The following BRIP1 variants were observed in gnomAD, a reference collection of about 807,000 sequenced individuals.
The protein encoded by BRIP1 is BRCA1 interacting DNA helicase 1.
A neutral mutation model predicts 119.7 loss-of-function variants in BRIP1; 88 were observed. The observed-to-expected ratio is 0.74, with a 90% CI of 0.62 to 0.88. The LOEUF (loss-of-function observed/expected upper bound fraction) is 0.88, where lower values mean the gene tolerates loss of function less well. Among genes scored for constraint, BRIP1 ranks in the 40% least tolerant of loss-of-function variants. The pLI, the probability that BRIP1 is intolerant of heterozygous loss-of-function variation, is 0.00. For missense variants in BRIP1, 1,259 were observed against 1,455.4 expected (o/e 0.87, Z 2.20); for synonymous variants, 443 against 496.5 (o/e 0.89, Z 1.43).
At chr17:61,797,683 T>C (rs2077922689) in intron 9 of BRIP1, among the ~76,000 whole-genome samples, 1 of 152,044 alleles carries the variant, frequency 6.6e-6, no homozygotes, top group African/African-American at 2.4e-5. Flanking sequence ...CAACTCTTAT[T>C]GCAGGCAAAG....
chr17:61,775,416 T>C lies in BRIP1; in HGVS notation c.2097+985A>G, dbSNP rs560170800. On this transcript the variant is annotated intron_variant, in intron 14 of 19. Transcript: ENST00000259008. The surrounding 1 kb of genome is among the most constrained non-coding windows in gnomAD (Gnocchi z 4.4). ...AGTAGAAGAGTCAAAAGTATCAATA[T>C]TGTCATTCAAATATATTACTTCCAA... is the stretch of plus-strand genomic sequence containing the variant. Among the ~76,000 whole-genome samples, 14 of 152,126 alleles carry C rather than the reference T, an allele frequency of 9.2e-5. No individual in the cohort carries two copies. The highest frequency in any genetic ancestry group is 7.2e-4 in the Admixed American group (11 of 15,264).
rs2061611279 is a variant in BRIP1 at position 61,701,392 on chromosome 17, TA to T, written c.2493-7881del. ...CTCGATTAACTTAGTAGTCAGCTAA[TA>T]ATTAGACAGAGATTTCCTTAAATGT... On this transcript the variant is annotated intron_variant, in intron 17 of 19. Transcript: ENST00000259008. The surrounding 1 kb of genome is among the most constrained non-coding windows in gnomAD (Gnocchi z 5.1). 6.6e-6 allele frequency among the ~76,000 whole-genome samples: 1 copy of T among 152,230 alleles called. No homozygotes were observed. The highest frequency in any genetic ancestry group is 1.5e-5 in the Non-Finnish European group (1 of 68,036).
rs536017154 is a variant in BRIP1, at chr17:61,794,512, A to G, written c.1341-783T>C. 6.6e-6 allele frequency among the ~76,000 whole-genome samples: 1 copy of G among 152,166 alleles called. No homozygotes were observed. Among genetic ancestry groups the G allele is most frequent in the African/African-American group, 2.4e-5 (1 of 41,532 alleles). On this transcript the variant is annotated intron_variant, in intron 9 of 19. Transcript: ENST00000259008. This position sits in a 1 kb window ranked among gnomAD's most constrained non-coding sequence, Gnocchi z 4.3. ...GAGACCACATGGACAAGAGGGGAAC[A>G]GCACATACTGGGGCCTATCGGATGG... is the stretch of plus-strand genomic sequence containing the variant.
At chr17:61,728,329 A>C (rs1367353534) in intron 16 of BRIP1, among the ~76,000 whole-genome samples, 24 of 148,158 alleles carry the variant, frequency 1.6e-4, no homozygotes, top group Admixed American at 1.1e-3. Flanking sequence ...AAAAAAAAAA[A>C]CCCCAGACAT....
At position 61,846,385 on chromosome 17, in the gene BRIP1, T is replaced by C. The variant is rs922080659; in HGVS notation, c.627+716A>G. Among the ~76,000 whole-genome samples, 3 of 151,678 alleles carry C rather than the reference T, an allele frequency of 2.0e-5. No homozygotes were observed. Among genetic ancestry groups the C allele is most frequent in the Non-Finnish European group, 4.4e-5 (3 of 67,914 alleles). ...AGACAATCCAAAAGGCAATAATGTA[T>C]TTTTTCCTTTTTTTTTTTGAGACGG... On this transcript the variant is annotated intron_variant, in intron 6 of 19. Coordinates refer to ENST00000259008, the MANE Select transcript of BRIP1 (RefSeq NM_032043.3). This position sits in a 1 kb window ranked among gnomAD's most constrained non-coding sequence, Gnocchi z 4.3.
rs367962443 is a variant in BRIP1, at chr17:61,682,318, T to C, written c.*978A>G. The C allele has an allele frequency of 1.4e-4, 28 of 201,540 alleles. No individual in the cohort carries two copies. The East Asian group carries it at 1.8e-3, about 13-fold the overall frequency. 12.5% of individuals were successfully genotyped at this position (201,540 alleles called of 1,614,324 possible). A position where few individuals can be genotyped will look rare whatever the true frequency, so the allele number is the denominator to read the frequency against. On this transcript the variant is annotated 3_prime_UTR_variant, in exon 20 of 20. Transcript: ENST00000259008. The surrounding 1 kb of genome is among the most constrained non-coding windows in gnomAD (Gnocchi z 4.9). ...CTAGTGTTTGGTACTTATTACTCAC[T>C]GATCCACTAGGAAAAATATATAATA...
rs749554361 is a variant in BRIP1, at chr17:61,844,728, C to T, written c.627+2373G>A. Among the ~76,000 whole-genome samples, 3 of 152,158 alleles carry T rather than the reference C, an allele frequency of 2.0e-5. No individual in the cohort carries two copies. The highest frequency in any genetic ancestry group is 2.0e-4 in the Admixed American group (3 of 15,282). On this transcript the variant is annotated intron_variant, in intron 6 of 19. Coordinates refer to ENST00000259008, the MANE Select transcript of BRIP1 (RefSeq NM_032043.3). This position sits in a 1 kb window ranked among gnomAD's most constrained non-coding sequence, Gnocchi z 4.7. Reference sequence around the variant, plus strand: ...TGTTAGAACCCTATTTAGGTGGCTCCAGGACTGCAAAGAGGCATTTTAGAG... The same window carrying T: ...TGTTAGAACCCTATTTAGGTGGCTCTAGGACTGCAAAGAGGCATTTTAGAG...
At position 61,684,443 on chromosome 17, in the gene BRIP1, G is replaced by A. The variant is rs2061331322; in HGVS notation, c.2906-303C>T. ...AAAAGGGAAGAGGAAGGGAGCTGAG[G>A]AAAGGAGGGAACAGGCTGTAAACAT... On this transcript the variant is annotated intron_variant, in intron 19 of 19. Coordinates refer to ENST00000259008, the MANE Select transcript of BRIP1 (RefSeq NM_032043.3). The surrounding 1 kb of genome is among the most constrained non-coding windows in gnomAD (Gnocchi z 4.5). Among the ~76,000 whole-genome samples the A allele has an allele frequency of 6.6e-6, 1 of 152,114 alleles. No individual in the cohort carries two copies. The highest frequency in any genetic ancestry group is 2.1e-4 in the South Asian group (1 of 4,812).
chr17:61,760,079 A>G lies in BRIP1; in HGVS notation c.2098-15488T>C, dbSNP rs994351874. ...TTTTAACAAATTTAAGTTTGTTATCATATCAAGTATCTTTGCTGGCCACAA... is the reference window on the plus strand; with the variant it reads ...TTTTAACAAATTTAAGTTTGTTATCGTATCAAGTATCTTTGCTGGCCACAA... On this transcript the variant is annotated intron_variant, in intron 14 of 19. Transcript: ENST00000259008. This position sits in a 1 kb window ranked among gnomAD's most constrained non-coding sequence, Gnocchi z 4.6. Among the ~76,000 whole-genome samples, 1 of 152,038 alleles carries G rather than the reference A, an allele frequency of 6.6e-6. No homozygotes were observed. Among genetic ancestry groups the G allele is most frequent in the Non-Finnish European group, 1.5e-5 (1 of 67,944 alleles).
intron 16 of BRIP1, among the ~76,000 whole-genome samples, chr17:61,733,788 G>A (rs2076882016): frequency 6.6e-6 from 1 of 151,638 alleles, no homozygotes; most frequent in Admixed American, 6.6e-5. Context: ...ATCTAGTTTG[G>A]TAACTCAACA....
At position 61,849,227 on chromosome 17, in the gene BRIP1, T is replaced by C. The variant is rs878855157; in HGVS notation, c.409A>G (p.Lys137Glu). 1.9e-6 allele frequency: 3 copies of C among 1,613,210 alleles called. No homozygotes were observed. The highest frequency in any genetic ancestry group is 1.1e-5 in the South Asian group (1 of 91,044). ...DSPEKTTLAA[K>E]LSAKKQASIY... ...GATGCCTGTTTCTTAGCAGATAACT[T>C]TGCAGCCAGAGTGGTTTTTTCAGGG... is the stretch of plus-strand genomic sequence containing the variant. The change falls in exon 5 of 20, where the codon AAG (lysine) becomes GAG (glutamate). Residue 137 changes from lysine (K) to glutamate (E), a missense_variant. Physicochemically the swap from Lys to Glu is moderately conservative, Grantham distance 56. Transcript: ENST00000259008.
In BRIP1 at chr17:61,857,163, A is replaced by G. The variant is rs755930156; in HGVS notation, c.274T>C (p.Ser92Pro). Residue 92 changes from serine to proline, a missense_variant, in exon 4 of 20, where the codon TCA becomes CCA. By Grantham distance (74) the Ser-to-Pro change is moderately conservative. Transcript: ENST00000259008. This position sits in a 1 kb window ranked among gnomAD's most constrained non-coding sequence, Gnocchi z 5.1. ...ATGTCATTGTTTGTAAAATCCTTTGAATGGCATGCACAACAACATGACAAT... is the reference window on the plus strand; with the variant it reads ...ATGTCATTGTTTGTAAAATCCTTTGGATGGCATGCACAACAACATGACAAT... ...VQLSCCCACH[S>P]KDFTNNDMNQ... 6.2e-7 allele frequency: 1 copy of G among 1,614,140 alleles called. No homozygotes were observed. The highest frequency in any genetic ancestry group is 8.5e-7 in the Non-Finnish European group (1 of 1,179,964).
chr17:61,835,029 A>G (rs2145648232), intron 6 of BRIP1, among the ~76,000 whole-genome samples: 1 of 152,396 alleles, frequency 6.6e-6, no homozygotes, highest in East Asian at 1.9e-4. Context: ...AGCAGGCAGA[A>G]TATCAGGGGT....
rs923118925 is a variant in BRIP1 at position 61,857,874 on chromosome 17, GA to G, written c.206-644del. 1.2e-3 allele frequency among the ~76,000 whole-genome samples: 188 copies of G among 152,092 alleles called. 1 individual carries two copies. The highest frequency in any genetic ancestry group is 4.3e-3 in the African/African-American group (177 of 41,498). On this transcript the variant is annotated intron_variant, in intron 3 of 19. Transcript: ENST00000259008. The surrounding 1 kb of genome is among the most constrained non-coding windows in gnomAD (Gnocchi z 5.1). ...TTTATCTAAAATTCAAGAATGGATT[GA>G]AACAAGGACATAAAGTATATCCTTA...
At chr17:61,712,989 G>A (rs1352442947) in intron 17 of BRIP1, among the ~76,000 whole-genome samples, 6 of 152,132 alleles carry the variant, frequency 3.9e-5, no homozygotes, top group Non-Finnish European at 8.8e-5. Flanking sequence ...ATGAAATTAA[G>A]GGATAGTAAT....
rs529768704 is a variant in BRIP1 at position 61,725,403 on chromosome 17, G to C, written c.2380-9340C>G. ...GGTAGAGAAATCTATATTAAACTTA[G>C]TATCGCTAATTGTCAGTGTTGACTA... On this transcript the variant is annotated intron_variant, in intron 16 of 19. Coordinates refer to ENST00000259008, the MANE Select transcript of BRIP1 (RefSeq NM_032043.3). This position sits in a 1 kb window ranked among gnomAD's most constrained non-coding sequence, Gnocchi z 5.3. Among the ~76,000 whole-genome samples, 1 of 152,228 alleles carries C rather than the reference G, an allele frequency of 6.6e-6. No homozygotes were observed. The highest frequency in any genetic ancestry group is 1.5e-5 in the Non-Finnish European group (1 of 68,018).
At chr17:61,855,118 T>C (rs571128513) in intron 4 of BRIP1, among the ~76,000 whole-genome samples, 1 of 152,246 alleles carries the variant, frequency 6.6e-6, no homozygotes, top group East Asian at 1.9e-4. Context: ...AGGTGAGTCA[T>C]GTAGGGGTGG....
chr17:61,765,158 G>T (rs1368231635), intron 14 of BRIP1, among the ~76,000 whole-genome samples: 1 of 150,154 alleles, frequency 6.7e-6, no homozygotes, highest in East Asian at 2.0e-4. Context: ...TTTTCTTTCT[G>T]TCCAGTCTGT....
Position 61,782,781 on chromosome 17 carries a change from G to A in BRIP1, c.1628+1489C>T, listed in dbSNP as rs542727557. The stretch of plus-strand genomic sequence containing the variant: ...AGATTCTCAACTTCTCTAGTCATTA[G>A]GAAATACAAATAAAAACCAGATGAT... On this transcript the variant is annotated intron_variant, in intron 11 of 19. Coordinates refer to ENST00000259008, the MANE Select transcript of BRIP1 (RefSeq NM_032043.3). Among the ~76,000 whole-genome samples, 7 of 152,238 alleles carry A rather than the reference G, an allele frequency of 4.6e-5. No individual in the cohort carries two copies. In the South Asian group the frequency reaches 1.5e-3, roughly 32 times the overall value.
Sources: allele counts gnomAD v4.1 joint callset (sites outside exome capture counted in the v4.1 genomes callset), GRCh38; gene constraint gnomAD v4.1.1; non-coding constraint Gnocchi (gnomAD v3.1); transcripts MANE v1.5; gene names NCBI Gene and HGNC (gene_info 2026-07-23, HGNC 2026-07-21).